Variants in PCDHGC4 observed in about 807,000 individuals in gnomAD.
PCDHGC4 encodes protocadherin gamma-C4.
In PCDHGC4, 15 loss-of-function variants were observed where a neutral mutation model predicts 59.7. The ratio of observed to expected loss-of-function variants is 0.25; its 90% confidence interval spans 0.17 to 0.39. PCDHGC4 has a LOEUF of 0.39. PCDHGC4 is among the 10% of genes least tolerant of loss of function. The pLI is 1.00. For missense variants in PCDHGC4, 1,016 were observed against 1,189.5 expected (o/e 0.85, Z 2.15); for synonymous variants, 434 against 481.4 (o/e 0.90, Z 1.29).
Position 141,489,714 on chromosome 5 carries a change from G to C in PCDHGC4, c.2442+2099G>C, listed in dbSNP as rs770143357. On this transcript the variant is annotated intron_variant, in intron 1 of 3. Coordinates refer to ENST00000306593, the MANE Select transcript of PCDHGC4 (RefSeq NM_018928.3). The surrounding 1 kb of genome is among the most constrained non-coding windows in gnomAD (Gnocchi z 4.5). Reference sequence around the variant, plus strand: ...CACGATTCCCACTGGACAGTGCCCAGGATCCGGATGTGGGCACCAATACTG... The same window carrying C: ...CACGATTCCCACTGGACAGTGCCCACGATCCGGATGTGGGCACCAATACTG... 7.4e-6 allele frequency: 12 copies of C among 1,613,958 alleles called. No individual in the cohort carries two copies. The highest frequency in any genetic ancestry group is 1.0e-5 in the Non-Finnish European group (12 of 1,179,930).
Position 141,496,029 on chromosome 5 carries a change from C to T in PCDHGC4, c.2501+1164C>T, listed in dbSNP as rs548231443. ...TTGTCTTTTTTCTCTGAGCCTCTGTCTCTGTCTCTCATTTTTTTGTGCTTG... is the reference window on the plus strand; with the variant it reads ...TTGTCTTTTTTCTCTGAGCCTCTGTTTCTGTCTCTCATTTTTTTGTGCTTG... On this transcript the variant is annotated intron_variant, in intron 2 of 3. Coordinates refer to ENST00000306593, the MANE Select transcript of PCDHGC4 (RefSeq NM_018928.3). Among the ~76,000 whole-genome samples, 3 of 152,088 alleles carry T rather than the reference C, an allele frequency of 2.0e-5. No individual in the cohort carries two copies. In the East Asian group the frequency reaches 5.8e-4, roughly 29 times the overall value.
At chr5:141,501,305 A>G (rs2099807563) in intron 2 of PCDHGC4, among the ~76,000 whole-genome samples, 1 of 151,322 alleles carries the variant, frequency 6.6e-6, no homozygotes, top group African/African-American at 2.4e-5. Flanking sequence ...ACACACACAC[A>G]CACACACACA....
Position 141,511,231 on chromosome 5 carries a change from C to T in PCDHGC4, c.*58C>T. On this transcript the variant is annotated 3_prime_UTR_variant, in exon 4 of 4. Coordinates refer to ENST00000306593, the MANE Select transcript of PCDHGC4 (RefSeq NM_018928.3). ...CTCTCCCCAACCAGCCCAGCTTCTC[C>T]TTACCTGCACCCAGGCCTCAGAGTT... 2 of 1,595,900 alleles carry T rather than the reference C, an allele frequency of 1.3e-6. No individual in the cohort carries two copies. The highest frequency in any genetic ancestry group is 2.2e-5 in the South Asian group (2 of 88,992).
chr5:141,494,678 G>A, intron 1 of PCDHGC4, 129 bp from the exon 2 acceptor site: 1 of 1,554,384 alleles, frequency 6.4e-7, no homozygotes, highest in Non-Finnish European at 8.7e-7. Flanking sequence ...GTCCACCCCT[G>A]CCCCCTCTTA....
rs1369501221 is a variant in PCDHGC4 at position 141,493,257 on chromosome 5, A to G, written c.2443-1550A>G. On this transcript the variant is annotated intron_variant, in intron 1 of 3. Coordinates refer to ENST00000306593, the MANE Select transcript of PCDHGC4 (RefSeq NM_018928.3). The surrounding 1 kb of genome is among the most constrained non-coding windows in gnomAD (Gnocchi z 4.3). ...GGCTAGGTACTAACATGCCTCTCTT[A>G]TAACAGCTTCACAGAGGTCAAGTGA... Among the ~76,000 whole-genome samples the G allele has an allele frequency of 6.6e-6, 1 of 152,190 alleles. No individual in the cohort carries two copies. Among genetic ancestry groups the G allele is most frequent in the South Asian group, 2.1e-4 (1 of 4,830 alleles).
Position 141,511,429 on chromosome 5 carries a change from G to A in PCDHGC4, c.*256G>A, listed in dbSNP as rs1414641314. 1.3e-6 allele frequency: 1 copy of A among 769,620 alleles called. No individual in the cohort carries two copies. The highest frequency in any genetic ancestry group is 2.0e-6 in the Non-Finnish European group (1 of 505,154). The allele number at this position is 769,620 out of a possible 1,614,324, so 47.7% of individuals were successfully genotyped here. On this transcript the variant is annotated 3_prime_UTR_variant, in exon 4 of 4. Transcript: ENST00000306593. The stretch of plus-strand genomic sequence containing the variant: ...CTGCTGTACCCATGGGGGTAGTGGG[G>A]TTACTGTAGACACCAAGAACCATTT...
intron 2 of PCDHGC4, among the ~76,000 whole-genome samples, chr5:141,498,024 A>G (rs1455238086): frequency 6.6e-6 from 1 of 152,200 alleles, no homozygotes; most frequent in East Asian, 1.9e-4. Flanking sequence ...GGAGACAAAT[A>G]TTGACCAAAT....
Position 141,489,409 on chromosome 5 carries a change from A to T in PCDHGC4, c.2442+1794A>T. On this transcript the variant is annotated intron_variant, in intron 1 of 3. Transcript: ENST00000306593. The surrounding 1 kb of genome is among the most constrained non-coding windows in gnomAD (Gnocchi z 4.5). ...TGCTCAGGATCTGGGCTTAAAGATG[A>T]CAGATCTGTTGAGCCGGCGGCTGCA... 1.9e-6 allele frequency: 3 copies of T among 1,614,114 alleles called. No homozygotes were observed. The highest frequency in any genetic ancestry group is 2.5e-6 in the Non-Finnish European group (3 of 1,180,004).
At position 141,487,763 on chromosome 5, in the gene PCDHGC4, G is replaced by A; in HGVS notation, c.2442+148G>A. ...AAGAGGTAACTATGTGGTAGACGCT[G>A]TGCTTTGTAACTGTTTCGTGAATTA... On this transcript the variant is annotated intron_variant, in intron 1 of 3. Coordinates refer to ENST00000306593, the MANE Select transcript of PCDHGC4 (RefSeq NM_018928.3). This position sits in a 1 kb window ranked among gnomAD's most constrained non-coding sequence, Gnocchi z 5.0. 6.5e-7 allele frequency: 1 copy of A among 1,544,968 alleles called. No homozygotes were observed. The highest frequency in any genetic ancestry group is 1.2e-5 in the South Asian group (1 of 83,382).
At chr5:141,494,514 G>T (rs1457018569) in intron 1 of PCDHGC4, among the ~76,000 whole-genome samples, 2 of 152,160 alleles carry the variant, frequency 1.3e-5, no homozygotes, top group South Asian at 2.1e-4. Context: ...TTTTGGCTCA[G>T]GAGTTCTGAC....
At chr5:141,505,673 G>C (rs1389292278) in intron 3 of PCDHGC4, among the ~76,000 whole-genome samples, 192 bp downstream of exon 3, 1 of 152,178 alleles carries the variant, frequency 6.6e-6, no homozygotes, top group East Asian at 1.9e-4. Context: ...AGGGGTTGGG[G>C]GTCCTGGGAT....
rs534187376 is a variant in PCDHGC4 at position 141,512,974 on chromosome 5, A to G, written c.*1801A>G. ...AAAATAATAAAACGTTTCTTCTGAA[A>G]AGCTGAACGTTTCTGTATAAGCGAT... is the stretch of plus-strand genomic sequence containing the variant. On this transcript the variant is annotated 3_prime_UTR_variant, in exon 4 of 4. Transcript: ENST00000306593. The G allele has an allele frequency of 6.6e-6, 1 of 152,362 alleles. No individual in the cohort carries two copies. Among genetic ancestry groups the G allele is most frequent in the South Asian group, 2.1e-4 (1 of 4,826 alleles). The allele number at this position is 152,362 out of a possible 1,614,324, so 9.4% of individuals were successfully genotyped here. A position where few individuals can be genotyped will look rare whatever the true frequency, so the allele number is the denominator to read the frequency against.
intron 2 of PCDHGC4, among the ~76,000 whole-genome samples, chr5:141,500,674 G>T (rs554174451): frequency 4.2e-4 from 64 of 152,122 alleles, no homozygotes; most frequent in Non-Finnish European, 6.6e-4. Flanking sequence ...CTGTCCAACA[G>T]AATTATAGCT....
At chr5:141,494,979 T>C in intron 2 of PCDHGC4, 114 bp downstream of exon 2, 1 of 1,571,464 alleles carries the variant, frequency 6.4e-7, no homozygotes, top group Admixed American at 1.8e-5. Flanking sequence ...TCCCTCAGTT[T>C]GAGATCCCAG....
chr5:141,503,214 T>C (rs994291483), intron 2 of PCDHGC4, among the ~76,000 whole-genome samples: 7 of 152,096 alleles, frequency 4.6e-5, no homozygotes, highest in African/African-American at 1.7e-4. Flanking sequence ...GTGCCCACCA[T>C]GAGCACCGTA....
rs201968743 is a variant in PCDHGC4, at chr5:141,490,095, A to G, written c.2442+2480A>G. On this transcript the variant is annotated intron_variant, in intron 1 of 3. Coordinates refer to ENST00000306593, the MANE Select transcript of PCDHGC4 (RefSeq NM_018928.3). The surrounding 1 kb of genome is among the most constrained non-coding windows in gnomAD (Gnocchi z 5.4). ...TAGACTATTCTTTTGGAGACCACAC[A>G]TCTGAGGCAGTGCGGAACCTCTTTG... 2.4e-4 allele frequency: 394 copies of G among 1,614,156 alleles called. No individual in the cohort carries two copies. The highest frequency in any genetic ancestry group is 3.1e-4 in the Non-Finnish European group (363 of 1,180,054).
At chr5:141,501,287 T>C (rs1025193070) in intron 2 of PCDHGC4, among the ~76,000 whole-genome samples, 1 of 96,980 alleles carries the variant, frequency 1.0e-5, no homozygotes, top group African/African-American at 4.2e-5. Context: ...GGATATTCCC[T>C]TATACACACA....
In PCDHGC4 at chr5:141,487,605, A is replaced by G. The variant is rs202066746; in HGVS notation, c.2432A>G (p.Tyr811Cys). Reference sequence around the variant, plus strand: ...AGCTGCCCACCCTCTGATCTTCTCTATGGGCTAGAGGTGAGACCTTTGCAG... The same window carrying G: ...AGCTGCCCACCCTCTGATCTTCTCTGTGGGCTAGAGGTGAGACCTTTGCAG... The part of the protein sequence containing the change: ...RPSCPPSDLL[Y>C]GLEQAPPNTD... Residue 811 changes from tyrosine (Y) to cysteine (C), a missense_variant, in exon 1 of 4, where the codon TAT becomes TGT. Tyr to Cys is a radical substitution (Grantham distance 194). Transcript: ENST00000306593. The surrounding 1 kb of genome is among the most constrained non-coding windows in gnomAD (Gnocchi z 5.0). 8.7e-6 allele frequency: 14 copies of G among 1,614,008 alleles called. No individual in the cohort carries two copies. In the South Asian group the frequency reaches 8.8e-5, roughly 10 times the overall value.
intron 3 of PCDHGC4, among the ~76,000 whole-genome samples, chr5:141,509,065 T>A (rs1294546432): frequency 6.6e-6 from 1 of 152,018 alleles, no homozygotes; most frequent in Non-Finnish European, 1.5e-5. Context: ...AGCTCTCAGC[T>A]CCGGGGATTT....
Sources: gnomAD v4.1 joint callset for allele counts (sites outside exome capture counted in the v4.1 genomes callset) on GRCh38, gnomAD v4.1.1 for gene constraint, Gnocchi (gnomAD v3.1) non-coding constraint, MANE v1.5 for transcripts, NCBI Gene and HGNC (gene_info 2026-07-23, HGNC 2026-07-21) for gene names.